The following DGCR2 variants were observed in gnomAD, a reference collection of about 807,000 sequenced individuals.
DGCR2 encodes the protein DiGeorge syndrome critical region gene 2.
DGCR2 carries 24 observed loss-of-function variants against 51.6 expected under a neutral mutation model. That is an observed-to-expected ratio of 0.47 (90% CI 0.34 to 0.65). The LOEUF is 0.65. Ranked by LOEUF, DGCR2 falls within the 30% of genes least tolerant of loss-of-function variation. The pLI, the probability that DGCR2 is intolerant of heterozygous loss-of-function variation, is 0.01. For synonymous variants in DGCR2, 340 were observed against 315.4 expected (o/e 1.08, Z -0.82); for missense variants, 765 against 772.1 (o/e 0.99, Z 0.11).
chr22:19,052,641 C>G (rs1236275918), intron 6 of DGCR2, among the ~76,000 whole-genome samples: 2 of 151,034 alleles, frequency 1.3e-5, no homozygotes, highest in Non-Finnish European at 2.9e-5. Flanking sequence ...ATAAGTTGGG[C>G]ACAGTGGCAT....
At chr22:19,071,467 A>G (rs537439551) in intron 2 of DGCR2, among the ~76,000 whole-genome samples, 39 of 152,292 alleles carry the variant, frequency 2.6e-4, no homozygotes, top group African/African-American at 9.1e-4. Flanking sequence ...TATGACTTAC[A>G]TAGTATTGCT....
At chr22:19,097,248 TAC>T (rs2083151810) in intron 1 of DGCR2, among the ~76,000 whole-genome samples, 1 of 152,000 alleles carries the variant, frequency 6.6e-6, no homozygotes, top group Non-Finnish European at 1.5e-5. Context: ...TATATATATA[TAC>T]ATATATAGAT....
intron 1 of DGCR2, among the ~76,000 whole-genome samples, chr22:19,099,464 TC>T (rs1208111427): frequency 6.6e-6 from 1 of 151,660 alleles, no homozygotes; most frequent in Admixed American, 6.6e-5. Context: ...ATGCCTGTAG[TC>T]CCAGCTACTC....
chr22:19,061,165 ACCCCAATGACCCCT>A, intron 5 of DGCR2: 1 of 216,214 alleles, frequency 4.6e-6, no homozygotes, highest in East Asian at 1.6e-4. Flanking sequence ...AACACCTCAG[ACCCCAATGACCCCT>A]CTGCTTTGCA....
intron 3 of DGCR2, among the ~76,000 whole-genome samples, chr22:19,066,531 C>T (rs1331639832): frequency 1.3e-5 from 2 of 152,252 alleles, no homozygotes; most frequent in Non-Finnish European, 2.9e-5. Context: ...CACACCAATG[C>T]ATGCAGCCTG....
intron 2 of DGCR2, among the ~76,000 whole-genome samples, chr22:19,076,460 C>T (rs1023782240): frequency 1.1e-4 from 17 of 152,066 alleles, no homozygotes; most frequent in African/African-American, 3.4e-4. Context: ...CCACCGCGCC[C>T]GGCAGGTAAT....
At chr22:19,121,318 T>C (rs1267795358) in intron 1 of DGCR2, among the ~76,000 whole-genome samples, 1 of 152,114 alleles carries the variant, frequency 6.6e-6, no homozygotes, top group African/African-American at 2.4e-5. Flanking sequence ...AAAAATAAAA[T>C]AACATTCGAA....
intron 5 of DGCR2, among the ~76,000 whole-genome samples, chr22:19,062,804 CTCTA>C (rs1569053032): frequency 6.8e-6 from 1 of 147,962 alleles, no homozygotes; most frequent in Non-Finnish European, 1.5e-5. Context: ...CTCTCTCTCT[CTCTA>C]TCTGCCTGAT....
intron 1 of DGCR2, among the ~76,000 whole-genome samples, chr22:19,092,840 G>C (rs1185299333): frequency 1.3e-5 from 2 of 152,194 alleles, no homozygotes; most frequent in East Asian, 1.9e-4. Flanking sequence ...GCTCCCTGAA[G>C]AAAGAACAGG....
chr22:19,042,059 A>T, intron 7 of DGCR2, 100 bp from the exon 8 acceptor site: 1 of 1,392,076 alleles, frequency 7.2e-7, no homozygotes, highest in Non-Finnish European at 9.7e-7. Flanking sequence ...CTGTGTGGAC[A>T]AGGCACACAG....
chr22:19,107,461 A>C (rs1262799934), intron 1 of DGCR2, among the ~76,000 whole-genome samples: 1 of 152,260 alleles, frequency 6.6e-6, no homozygotes, highest in African/African-American at 2.4e-5. Flanking sequence ...CAGGAGAAGA[A>C]GTGATCACCA....
chr22:19,110,132 T>G (rs1048267582), intron 1 of DGCR2, among the ~76,000 whole-genome samples: 1 of 152,240 alleles, frequency 6.6e-6, no homozygotes, highest in Non-Finnish European at 1.5e-5. Flanking sequence ...CTGCTCTTAT[T>G]TCAAAACCTA....
chr22:19,052,931 G>T (rs2082564935), intron 6 of DGCR2, among the ~76,000 whole-genome samples: 1 of 152,202 alleles, frequency 6.6e-6, no homozygotes, highest in African/African-American at 2.4e-5. Flanking sequence ...ACAAAGGCCA[G>T]ACCACATATG....
In DGCR2 at chr22:19,096,882, T is replaced by TA. The variant is rs991223620; in HGVS notation, c.80-7393dup. On this transcript the variant is annotated intron_variant, in intron 1 of 9. Coordinates refer to ENST00000263196, the MANE Select transcript of DGCR2 (RefSeq NM_005137.3). ...AATATTTTAACAGTGTCCATTCTAT[T>TA]AAAAAAAAAAACAAAAAAAAAAAAC... Among the ~76,000 whole-genome samples the TA allele has an allele frequency of 4.5e-3, 481 of 107,072 alleles. 3 individuals are homozygous for TA. The highest frequency in any genetic ancestry group is 0.011 in the South Asian group (41 of 3,720). 70.2% of individuals were successfully genotyped at this position (107,072 alleles called of 152,430 possible). A position where few individuals can be genotyped will look rare whatever the true frequency, so the allele number is the denominator to read the frequency against.
At position 19,089,426 on chromosome 22, in the gene DGCR2, G is replaced by A; in HGVS notation, c.144C>T (p.Pro48=). The change falls in exon 2 of 10, where the codon CCC becomes CCT. Residue 48 remains proline, a synonymous_variant. Transcript: ENST00000263196. ...RSGTIQCIPL[P]WQCDGWATCE... ...AAGTCGCCCAGCCGTCACACTGCCA[G>A]GGGAGGGGGATGCACTGGATGGTGC... The A allele has an allele frequency of 6.2e-7, 1 of 1,610,332 alleles. No individual in the cohort carries two copies. Among genetic ancestry groups the A allele is most frequent in the African/African-American group, 1.3e-5 (1 of 74,910 alleles).
chr22:19,085,862 G>C (rs910248899), intron 2 of DGCR2, among the ~76,000 whole-genome samples: 1 of 152,198 alleles, frequency 6.6e-6, no homozygotes, highest in African/African-American at 2.4e-5. Context: ...GGCTTCCCTA[G>C]GGGTTACTGA....
intron 2 of DGCR2, among the ~76,000 whole-genome samples, chr22:19,072,637 G>T (rs2082827516): frequency 6.6e-6 from 1 of 152,102 alleles, no homozygotes; most frequent in African/African-American, 2.4e-5. Flanking sequence ...ACTTTGGGAG[G>T]CCCGAGGTGG....
chr22:19,056,566 A>AAAAAC, intron 6 of DGCR2: 8 of 333,200 alleles, frequency 2.4e-5, no homozygotes, highest in South Asian at 9.7e-5. Context: ...AAAAAAAAAA[A>AAAAAC]ACACACACAC....
intron 1 of DGCR2, among the ~76,000 whole-genome samples, chr22:19,100,407 C>G (rs529484572): frequency 4.3e-4 from 65 of 152,328 alleles, no homozygotes; most frequent in African/African-American, 1.6e-3. Context: ...ATTGTTGACA[C>G]TTTATGAAAC....
Sources: gnomAD v4.1 joint callset for allele counts (sites outside exome capture counted in the v4.1 genomes callset) on GRCh38, gnomAD v4.1.1 for gene constraint, MANE v1.5 for transcripts, NCBI Gene and HGNC (gene_info 2026-07-23, HGNC 2026-07-21) for gene names.